Variants in MACF1 observed in about 807,000 individuals in gnomAD.
MACF1 encodes the protein microtubule actin crosslinking factor 1.
In MACF1, 193 loss-of-function variants were observed where a neutral mutation model predicts 854.8. The ratio of observed to expected loss-of-function variants is 0.23; its 90% CI spans 0.20 to 0.25. MACF1 has a LOEUF of 0.25. Ranked by LOEUF, MACF1 falls within the 10% of genes least tolerant of loss-of-function variation. The pLI is 1.00. For synonymous variants in MACF1, 3,185 were observed against 3,226.7 expected (o/e 0.99, Z 0.44); for missense variants, 7,722 against 8,929.1 (o/e 0.86, Z 5.45).
At chr1:39,433,842 G>A (rs1410025320) in intron 68 of MACF1, among the ~76,000 whole-genome samples, 1 of 152,184 alleles carries the variant, frequency 6.6e-6, no homozygotes, top group Non-Finnish European at 1.5e-5. Flanking sequence ...CACATTGGGA[G>A]GCCAAGGTGG....
At chr1:39,448,208 T>A in intron 83 of MACF1, 56 bp downstream of exon 83, 1 of 1,539,896 alleles carries the variant, frequency 6.5e-7, no homozygotes, top group Admixed American at 2.2e-5. Context: ...AAAGCTTGTA[T>A]CTTGCCAAAA....
intron 2 of MACF1, among the ~76,000 whole-genome samples, chr1:39,188,203 C>A (rs146347887): frequency 9.9e-5 from 15 of 151,994 alleles, no homozygotes; most frequent in African/African-American, 2.4e-4. Flanking sequence ...TTTGGGAGGC[C>A]GAGGCAGGTG....
At chr1:39,192,851 G>A (rs1291404925) in intron 2 of MACF1, among the ~76,000 whole-genome samples, 1 of 152,184 alleles carries the variant, frequency 6.6e-6, no homozygotes, top group African/African-American at 2.4e-5. Flanking sequence ...TGGGCGAAGC[G>A]CAGTGGCTCA....
intron 70 of MACF1, among the ~76,000 whole-genome samples, chr1:39,437,164 G>A (rs970662407): frequency 6.6e-6 from 1 of 151,820 alleles, no homozygotes; most frequent in Non-Finnish European, 1.5e-5. Flanking sequence ...AGTTGGAATA[G>A]GAGAAATATT....
chr1:39,386,494 C>T (rs1052147894), intron 57 of MACF1, among the ~76,000 whole-genome samples: 10 of 151,486 alleles, frequency 6.6e-5, no homozygotes, highest in Non-Finnish European at 1.2e-4. Context: ...TGCAGTGGCA[C>T]GATCTTGGAT....
chr1:39,103,344 A>C (rs1015967465), intron 2 of MACF1: 2 of 264,770 alleles, frequency 7.6e-6, no homozygotes, highest in African/African-American at 4.5e-5. Context: ...TATGTAGTGT[A>C]ATGGACATAA....
chr1:39,239,118 T>C (rs1469528625), intron 2 of MACF1, among the ~76,000 whole-genome samples: 1 of 152,102 alleles, frequency 6.6e-6, no homozygotes, highest in Admixed American at 6.5e-5. Context: ...CCATCTCTAC[T>C]AAAAATACAA....
At chr1:39,223,376 A>G (rs1483738898) in intron 1 of MACF1, among the ~76,000 whole-genome samples, 1 of 152,180 alleles carries the variant, frequency 6.6e-6, no homozygotes, top group Non-Finnish European at 1.5e-5. Flanking sequence ...TGACTTCATG[A>G]CTTACCTTGT....
intron 2 of MACF1, among the ~76,000 whole-genome samples, chr1:39,191,663 C>T (rs1302502461): frequency 6.6e-6 from 1 of 152,236 alleles, no homozygotes; most frequent in African/African-American, 2.4e-5. Flanking sequence ...GGCTCTGCTT[C>T]ATGCCCATTA....
In MACF1 at chr1:39,393,196, A is replaced by AAAAAATATAT. The variant is rs57576149; in HGVS notation, c.15816+4539_15816+4540insAAAATATATA. Among the ~76,000 whole-genome samples the AAAAAATATAT allele has an allele frequency of 6.9e-4, 46 of 66,560 alleles. 1 individual carries two copies. The highest frequency in any genetic ancestry group is 3.8e-3 in the African/African-American group (45 of 11,878). The allele number at this position is 66,560 out of a possible 152,430, so 43.7% of individuals were successfully genotyped here. A position where few individuals can be genotyped will look rare whatever the true frequency, so the allele number is the denominator to read the frequency against. ...CTGGGAAGGGTAAAAAAAAAAAAAA[A>AAAAAATATAT]ATATATATATATATATATATATATA... is the stretch of plus-strand genomic sequence containing the variant. On this transcript the variant is annotated intron_variant, in intron 58 of 100. Coordinates refer to ENST00000564288, the MANE Select transcript of MACF1 (RefSeq NM_001394062.1).
At position 39,222,895 on chromosome 1, in the gene MACF1, T is replaced by A. The variant is rs561274824; in HGVS notation, c.110-8287T>A. Among the ~76,000 whole-genome samples the A allele has an allele frequency of 2.0e-5, 3 of 152,328 alleles. No individual in the cohort carries two copies. In the South Asian group the frequency reaches 6.2e-4, roughly 32 times the overall value. On this transcript the variant is annotated intron_variant, in intron 1 of 100. Coordinates refer to ENST00000564288, the MANE Select transcript of MACF1 (RefSeq NM_001394062.1). ...CACTTGTTTTTTGAATGGTTCGTAA[T>A]GTACTGGGACTATGTGGGTAGGCTA...
chr1:39,138,215 TCAAAA>T (rs901540035), intron 2 of MACF1, among the ~76,000 whole-genome samples: 3 of 151,532 alleles, frequency 2.0e-5, no homozygotes, highest in African/African-American at 4.9e-5. Context: ...AAACAACGAA[TCAAAA>T]CAAAACAAAA....
chr1:39,242,885 G>A (rs962172147), intron 2 of MACF1, among the ~76,000 whole-genome samples: 8 of 152,032 alleles, frequency 5.3e-5, no homozygotes, highest in South Asian at 2.1e-4. Context: ...TCTTGCCCCC[G>A]CAACCCCTGT....
At chr1:39,292,659 C>A in intron 16 of MACF1, 107 bp from the exon 17 acceptor site, 1 of 777,152 alleles carries the variant, frequency 1.3e-6, no homozygotes, top group Non-Finnish European at 2.0e-6. Flanking sequence ...CTTAGAGCAA[C>A]CAATCCATAT....
At chr1:39,162,994 A>G (rs1486738016) in intron 2 of MACF1, among the ~76,000 whole-genome samples, 8 of 152,208 alleles carry the variant, frequency 5.3e-5, no homozygotes, top group Admixed American at 5.2e-4. Flanking sequence ...CCTATGCTGC[A>G]TACTTTTATT....
intron 58 of MACF1, among the ~76,000 whole-genome samples, chr1:39,401,264 T>TA (rs1365890449): frequency 6.6e-6 from 1 of 152,206 alleles, no homozygotes; most frequent in Non-Finnish European, 1.5e-5. Context: ...CAGAAGACAT[T>TA]ACCAGCTCAG....
At chr1:39,206,572 T>C (rs1644453196) in intron 1 of MACF1, 2 of 152,306 alleles carry the variant, frequency 1.3e-5, no homozygotes, top group East Asian at 3.9e-4. Flanking sequence ...TTTAGAAATG[T>C]TAATTTCATA....
chr1:39,368,059 C>T (rs1367054938), intron 49 of MACF1, 89 bp from the exon 50 acceptor site: 1 of 980,832 alleles, frequency 1.0e-6, no homozygotes, highest in Non-Finnish European at 1.5e-6. Context: ...TAGCATTTGA[C>T]CTGGCAAGCA....
intron 58 of MACF1, among the ~76,000 whole-genome samples, chr1:39,419,866 G>A (rs945915864): frequency 1.3e-5 from 2 of 148,804 alleles, no homozygotes; most frequent in South Asian, 2.1e-4. Flanking sequence ...ACGAGGTTTC[G>A]CCTGTTGCCC....
Sources: allele counts gnomAD v4.1 joint callset (sites outside exome capture counted in the v4.1 genomes callset), GRCh38; gene constraint gnomAD v4.1.1; transcripts MANE v1.5; gene names NCBI Gene and HGNC (gene_info 2026-07-23, HGNC 2026-07-21).